Variants in CORO6 observed in about 807,000 individuals in gnomAD.
CORO6 encodes the protein coronin-6.
In CORO6, 43 loss-of-function variants were observed where a neutral mutation model predicts 49.0. The observed-to-expected ratio is 0.88, with a 90% CI of 0.69 to 1.13. The LOEUF (loss-of-function observed/expected upper bound fraction) is 1.13. Among genes scored for constraint, CORO6 ranks in the 50% most tolerant of loss-of-function variants. The pLI is 0.00. For synonymous variants in CORO6, 233 were observed against 256.5 expected, an observed-to-expected ratio of 0.91 and a Z score of 0.88; for missense variants, 650 against 647.0, an observed-to-expected ratio of 1.00 and a Z score of -0.05.
In CORO6 at chr17:29,617,049, G is replaced by T; in HGVS notation, c.754-7C>A. ...CTGGCTCCTCGAAGTTGTTCTGCCC[G>T]AGCACAGGAGGCGTGACCAGCCCTG... On this transcript the variant is annotated splice_region_variant and splice_polypyrimidine_tract_variant and intron_variant, in intron 6 of 10. Coordinates refer to ENST00000388767, the MANE Select transcript of CORO6 (RefSeq NM_032854.4). 1 of 1,612,834 alleles carries T rather than the reference G, an allele frequency of 6.2e-7. No homozygotes were observed. Among genetic ancestry groups the T allele is most frequent in the East Asian group, 2.2e-5 (1 of 44,886 alleles).
intron 5 of CORO6, chr17:29,618,196 C>T: frequency 3.7e-6 from 5 of 1,334,112 alleles, no homozygotes; most frequent in African/African-American, 1.5e-5. Flanking sequence ...GGTTAGAGCG[C>T]CCCGGCGCCA....
intron 5 of CORO6, chr17:29,617,951 C>G: frequency 9.4e-7 from 1 of 1,062,670 alleles, no homozygotes. Context: ...CTCCCCGCTC[C>G]GCTCTGGCCT....
At position 29,616,804 on chromosome 17, in the gene CORO6, G is replaced by C; in HGVS notation, c.902C>G (p.Pro301Arg). The C allele has an allele frequency of 6.2e-7, 1 of 1,613,810 alleles. No individual in the cohort carries two copies. Among genetic ancestry groups the C allele is most frequent in the Non-Finnish European group, 8.5e-7 (1 of 1,179,944 alleles). The change falls in exon 8 of 11, where the codon CCT becomes CGT. Residue 301 changes from proline to arginine, a missense_variant. Coordinates refer to ENST00000388767, the MANE Select transcript of CORO6 (RefSeq NM_032854.4). The surrounding 1 kb of genome is among the most constrained non-coding windows in gnomAD (Gnocchi z 5.6). Reference protein sequence around the residue: ...IRYFEITDEPPFVHYLNTFSS... With the variant: ...IRYFEITDEPRFVHYLNTFSS... ...GAACGTGTTCAGGTAGTGCACGAAA[G>C]GCGGCTCGTCGGTAATCTCAAAGTA...
Position 29,616,045 on chromosome 17 carries a change from G to T in CORO6, c.1193C>A (p.Pro398His). The T allele has an allele frequency of 1.2e-6, 2 of 1,611,784 alleles. No homozygotes were observed. The highest frequency in any genetic ancestry group is 1.3e-5 in the African/African-American group (1 of 75,066). The change falls in exon 10 of 11, where the codon CCC becomes CAC. Residue 398 changes from proline to histidine, a missense_variant. By Grantham distance (77) the Pro-to-His change is moderately conservative. Coordinates refer to ENST00000388767, the MANE Select transcript of CORO6 (RefSeq NM_032854.4). This position sits in a 1 kb window ranked among gnomAD's most constrained non-coding sequence, Gnocchi z 5.6. ...CGTGACCCGGAGCTCGCGGTGCTTG[G>T]GGGGCACATAGCCGTCCCTCAGCGA... Reference protein sequence around the residue: ...LISLRDGYVPPKHRELRVTKR... With the variant: ...LISLRDGYVPHKHRELRVTKR...
intron 6 of CORO6, 110 bp from the exon 7 acceptor site, chr17:29,617,152 A>C: frequency 1.3e-6 from 2 of 1,561,740 alleles, no homozygotes; most frequent in Non-Finnish European, 1.7e-6. Context: ...TATGCCCCAA[A>C]CCTCTAGTGA....
chr17:29,621,336 C>A lies in CORO6; in HGVS notation c.86G>T (p.Arg29Leu), dbSNP rs758165124. 6 of 1,614,202 alleles carry A rather than the reference C, an allele frequency of 3.7e-6. No homozygotes were observed. Residue 29 changes from arginine to leucine, a missense_variant, in exon 2 of 11, where the codon CGT becomes CTT. Arg to Leu is a moderately radical substitution (Grantham distance 102). Transcript: ENST00000388767. The surrounding 1 kb of genome is among the most constrained non-coding windows in gnomAD (Gnocchi z 4.2). ...AKADQAYEDI[R>L]VSKVTWDSSF... is the part of the protein sequence containing the mutation. ...GCTGTCCCATGTGACCTTGGACACACGGATGTCCTCGTAGGCCTGGTCGGC... is the reference window on the plus strand; with the variant it reads ...GCTGTCCCATGTGACCTTGGACACAAGGATGTCCTCGTAGGCCTGGTCGGC...
chr17:29,617,923 G>T, intron 5 of CORO6: 1 of 864,432 alleles, frequency 1.2e-6, no homozygotes, highest in Non-Finnish European at 1.7e-6. Flanking sequence ...TCGCAGCGAG[G>T]CTTTTCCCGA....
Position 29,619,259 on chromosome 17 carries a change from CT to C in CORO6, c.322-71del, listed in dbSNP as rs201402766. The C allele has an allele frequency of 7.4e-4, 1,142 of 1,533,136 alleles. 1 individual carries two copies. Among genetic ancestry groups the C allele is most frequent in the Admixed American group, 1.1e-3 (57 of 50,610 alleles). The allele number at this position is 1,533,136 out of a possible 1,614,324, so 95.0% of individuals were successfully genotyped here. A position where few individuals can be genotyped will look rare whatever the true frequency, so the allele number is the denominator to read the frequency against. On this transcript the variant is annotated intron_variant, in intron 3 of 10. Transcript: ENST00000388767. ...CCCTGTCCCTCCACTCCTTCCCTAC[CT>C]TTTTTTTTAACCCTACTGGCTCTCT...
In CORO6 at chr17:29,619,081, T is replaced by C. The variant is rs375005683; in HGVS notation, c.430A>G (p.Arg144Gly). The change falls in exon 4 of 11, where the codon AGG (arginine) becomes GGG (glycine). Residue 144 changes from arginine to glycine, a missense_variant. Arg to Gly is a moderately radical substitution (Grantham distance 125). Transcript: ENST00000388767. Reference protein sequence around the residue: ...VGILSWHPTARNVLLSAGGDN... With the variant: ...VGILSWHPTAGNVLLSAGGDN... ...AGACCTGCACTGAGCAGGACATTCCTGGCAGTAGGGTGCCAGGAGAGGATG... is the reference window on the plus strand; with the variant it reads ...AGACCTGCACTGAGCAGGACATTCCCGGCAGTAGGGTGCCAGGAGAGGATG... The C allele has an allele frequency of 8.7e-6, 14 of 1,613,470 alleles. No individual in the cohort carries two copies. The highest frequency in any genetic ancestry group is 6.7e-5 in the African/African-American group (5 of 74,898).
rs745356686 is a variant in CORO6, at chr17:29,621,415, T to C, written c.7A>G (p.Arg3Gly). Residue 3 changes from arginine (R) to glycine (G), a missense_variant, in exon 2 of 11, where the codon AGA becomes GGA. Arg to Gly is a moderately radical substitution (Grantham distance 125, BLOSUM62 -2). Coordinates refer to ENST00000388767, the MANE Select transcript of CORO6 (RefSeq NM_032854.4). This position sits in a 1 kb window ranked among gnomAD's most constrained non-coding sequence, Gnocchi z 4.2. ...AACTTGCTTTGCCGAACCACACGTCTGCTCATAGCTGCAGGCAGAGAGGTA... is the reference window on the plus strand; with the variant it reads ...AACTTGCTTTGCCGAACCACACGTCCGCTCATAGCTGCAGGCAGAGAGGTA... MSRRVVRQSKFRH... is the reference protein window; with the variant it reads MSGRVVRQSKFRH... 7.5e-6 allele frequency: 12 copies of C among 1,607,104 alleles called. No homozygotes were observed. Among genetic ancestry groups the C allele is most frequent in the Non-Finnish European group, 9.3e-6 (11 of 1,176,536 alleles).
intron 5 of CORO6, chr17:29,618,544 C>G: frequency 7.3e-7 from 1 of 1,366,168 alleles, no homozygotes; most frequent in Non-Finnish European, 9.4e-7. Flanking sequence ...AGCGAGGAGC[C>G]CTTCTCTGAG....
At chr17:29,617,238 A>G (rs1044096219) in intron 6 of CORO6, 196 bp from the exon 7 acceptor site, 10 of 1,535,660 alleles carry the variant, frequency 6.5e-6, no homozygotes, top group Admixed American at 2.0e-5. Flanking sequence ...CCCTGCACAT[A>G]TACCCGCTGC....
chr17:29,617,692 C>G (rs955844508), intron 5 of CORO6, 73 bp from the exon 6 acceptor site: 2 of 1,451,166 alleles, frequency 1.4e-6, no homozygotes, highest in East Asian at 5.0e-5. Flanking sequence ...GATGAGCAAC[C>G]AGCTTGCTGA....
In CORO6 at chr17:29,619,785, GAGA is replaced by G. The variant is rs780256611; in HGVS notation, c.199-15_199-13del. ...TCCACTCGCCCTGTCTGAGGGGTTG[GAGA>G]AGAAGATGTGGGGCTACTCTCCTGT... is the stretch of plus-strand genomic sequence containing the variant. On this transcript the variant is annotated splice_polypyrimidine_tract_variant and intron_variant, in intron 2 of 10. Coordinates refer to ENST00000388767, the MANE Select transcript of CORO6 (RefSeq NM_032854.4). The G allele has an allele frequency of 6.0e-5, 96 of 1,602,292 alleles. No homozygotes were observed. The highest frequency in any genetic ancestry group is 6.9e-5 in the Non-Finnish European group (81 of 1,170,242).
chr17:29,618,034 G>T, intron 5 of CORO6: 1 of 1,480,402 alleles, frequency 6.8e-7, no homozygotes, highest in Non-Finnish European at 8.9e-7. Context: ...CGCGCCCGGC[G>T]CGGCCTGGCC....
At chr17:29,615,899 T>A (rs373788306) in intron 10 of CORO6, 42 bp from the exon 11 acceptor site, 2 of 1,571,270 alleles carry the variant, frequency 1.3e-6, no homozygotes. Context: ...TAGGGGCGGT[T>A]GGGGGAGATG....
In CORO6 at chr17:29,618,967, ACC is replaced by A. The variant is rs1338271386; in HGVS notation, c.454_455del (p.Gly152Ter). The A allele has an allele frequency of 6.2e-7, 1 of 1,613,622 alleles. No individual in the cohort carries two copies. The highest frequency in any genetic ancestry group is 1.1e-5 in the South Asian group (1 of 91,080). On this transcript the variant is annotated frameshift_variant and splice_region_variant, in exon 5 of 11. Coordinates refer to ENST00000388767, the MANE Select transcript of CORO6 (RefSeq NM_032854.4). LOFTEE classifies it high-confidence loss of function. ...CATTCCAGATGATGATCACATTGTC[ACC>A]ACCTGCCCAGAGTGGCCAGGCATGG... ...TARNVLLSAG[G>X]DNVIIIWNVG...
chr17:29,617,345 G>A (rs541119999), intron 6 of CORO6, 155 bp downstream of exon 6: 377 of 1,539,498 alleles, frequency 2.4e-4, no homozygotes, highest in Middle Eastern at 2.1e-3. Flanking sequence ...GCAAAACTGG[G>A]CAGAGGGGTG....
chr17:29,617,441 G>T, intron 6 of CORO6, 59 bp downstream of exon 6: 1 of 1,561,694 alleles, frequency 6.4e-7, no homozygotes, highest in Admixed American at 1.8e-5. Flanking sequence ...GGGGCGCCTG[G>T]CCACTCTCCC....
Sources: gnomAD v4.1 joint callset for allele counts on GRCh38, gnomAD v4.1.1 for gene constraint, Gnocchi (gnomAD v3.1) non-coding constraint, MANE v1.5 for transcripts, NCBI Gene and HGNC (gene_info 2026-07-23, HGNC 2026-07-21) for gene names.